Variants in AGO3 observed in about 807,000 individuals in gnomAD.
AGO3 encodes protein argonaute-3.
Under a neutral mutation model 105.5 loss-of-function variants are expected in AGO3, and 16 were observed. The observed-to-expected ratio is 0.15, with a 90% CI of 0.10 to 0.23. The LOEUF (loss-of-function observed/expected upper bound fraction) is 0.23, where lower values mean the gene tolerates loss of function less well. AGO3 is among the 10% of genes least tolerant of loss of function. The pLI is 1.00. For synonymous variants in AGO3, 340 were observed against 367.3 expected, an observed-to-expected ratio of 0.93 and a Z score of 0.85; for missense variants, 534 against 1,088.0, an observed-to-expected ratio of 0.49 and a Z score of 7.16.
chr1:35,949,144 T>C (rs1646423663), intron 2 of AGO3, among the ~76,000 whole-genome samples: 2 of 152,184 alleles, frequency 1.3e-5, no homozygotes, highest in East Asian at 1.9e-4. Context: ...GGTTTCTCCA[T>C]GTTGGTCAGT....
intron 17 of AGO3, 41 bp from the exon 18 acceptor site, chr1:36,054,905 A>G: frequency 6.3e-7 from 1 of 1,583,622 alleles, no homozygotes; most frequent in Non-Finnish European, 8.7e-7. Flanking sequence ...AAACAAAAAG[A>G]GTTCAAAATT....
chr1:35,939,575 C>T (rs1241001574), intron 1 of AGO3, among the ~76,000 whole-genome samples: 1 of 152,148 alleles, frequency 6.6e-6, no homozygotes, highest in Admixed American at 6.5e-5. Flanking sequence ...TCTCTACCTT[C>T]TGTTCAATTT....
intron 5 of AGO3, among the ~76,000 whole-genome samples, chr1:35,983,568 C>T (rs967552498): frequency 6.6e-6 from 1 of 151,916 alleles, no homozygotes; most frequent in Non-Finnish European, 1.5e-5. Flanking sequence ...CCAGCAGTGA[C>T]AAAGCAAGGC....
chr1:36,018,711 A>C (rs150663801), intron 11 of AGO3, among the ~76,000 whole-genome samples: 1 of 152,098 alleles, frequency 6.6e-6, no homozygotes, highest in Non-Finnish European at 1.5e-5. Flanking sequence ...GATTACAGGC[A>C]TGAGCCACCA....
chr1:35,977,976 T>C (rs1646982885), intron 5 of AGO3, among the ~76,000 whole-genome samples: 1 of 152,236 alleles, frequency 6.6e-6, no homozygotes, highest in Non-Finnish European at 1.5e-5. Flanking sequence ...GAATGCTGAT[T>C]GTTTAATTAA....
chr1:35,961,291 G>T (rs1030687838), intron 2 of AGO3, among the ~76,000 whole-genome samples: 2 of 151,958 alleles, frequency 1.3e-5, no homozygotes, highest in Non-Finnish European at 2.9e-5. Flanking sequence ...CTATAAGAGG[G>T]TATCGCGGAT....
intron 17 of AGO3, among the ~76,000 whole-genome samples, chr1:36,043,859 CT>C (rs1642350700): frequency 6.6e-6 from 1 of 151,218 alleles, no homozygotes; most frequent in African/African-American, 2.4e-5. Context: ...GCATATGCAT[CT>C]TTAAAAAAAA....
At chr1:36,038,501 C>T (rs1232316182) in intron 14 of AGO3, among the ~76,000 whole-genome samples, 1 of 152,020 alleles carries the variant, frequency 6.6e-6, no homozygotes, top group Non-Finnish European at 1.5e-5. Context: ...GTGATTCGCC[C>T]ACCTCGGCCT....
rs1447820987 is a variant in AGO3, at chr1:36,068,898, A to T, written c.*13153A>T. On this transcript the variant is annotated 3_prime_UTR_variant, in exon 19 of 19. Coordinates refer to ENST00000373191, the MANE Select transcript of AGO3 (RefSeq NM_024852.4). The stretch of plus-strand genomic sequence containing the variant: ...TCTTTAATGGAGGAACTTTTGAAAG[A>T]TCACAAATGGAAAAAGCCTATTGAG... 1 of 152,228 alleles carries T rather than the reference A, an allele frequency of 6.6e-6. No homozygotes were observed. The highest frequency in any genetic ancestry group is 2.4e-5 in the African/African-American group (1 of 41,454). 9.4% of individuals were successfully genotyped at this position (152,228 alleles called of 1,614,324 possible).
At chr1:36,029,046 A>T (rs530106533) in intron 12 of AGO3, among the ~76,000 whole-genome samples, 1 of 152,172 alleles carries the variant, frequency 6.6e-6, no homozygotes, top group African/African-American at 2.4e-5. Context: ...TGTATCAGTT[A>T]TACTTCCTTG....
At chr1:36,005,798 GC>G in intron 6 of AGO3, 1 of 985,338 alleles carries the variant, frequency 1.0e-6, no homozygotes, top group Non-Finnish European at 1.2e-6. Flanking sequence ...CTGCTCAGGG[GC>G]CCAAAGAAAT....
intron 5 of AGO3, among the ~76,000 whole-genome samples, chr1:35,988,343 A>G (rs1647308667): frequency 6.6e-6 from 1 of 152,208 alleles, no homozygotes; most frequent in African/African-American, 2.4e-5. Flanking sequence ...TCAAGTATAC[A>G]ATAATAATTA....
intron 2 of AGO3, among the ~76,000 whole-genome samples, chr1:35,962,768 A>G (rs1040130942): frequency 6.6e-6 from 1 of 152,152 alleles, no homozygotes; most frequent in African/African-American, 2.4e-5. Flanking sequence ...CTTGCTGTTT[A>G]TAAAGAAGAA....
chr1:35,973,578 T>C, intron 5 of AGO3, 67 bp downstream of exon 5: 2 of 1,330,248 alleles, frequency 1.5e-6, no homozygotes, highest in South Asian at 5.0e-5. Context: ...TACATAAATT[T>C]TATATATAAT....
In AGO3 at chr1:36,040,572, A is replaced by C. The variant is rs1642201389; in HGVS notation, c.2172+131A>C. ...AGTAGCAAATTTCAACAATTACATT[A>C]TGAGTATAGAAGCATCAAAATAGAT... is the stretch of plus-strand genomic sequence containing the variant. On this transcript the variant is annotated intron_variant, in intron 16 of 18. Transcript: ENST00000373191. 3 of 949,254 alleles carry C rather than the reference A, an allele frequency of 3.2e-6. No individual in the cohort carries two copies. The East Asian group carries it at 7.3e-5, about 23-fold the overall frequency. The allele number at this position is 949,254 out of a possible 1,614,324, so 58.8% of individuals were successfully genotyped here. A position where few individuals can be genotyped will look rare whatever the true frequency, so the allele number is the denominator to read the frequency against.
At chr1:35,995,727 G>T (rs1648271019) in intron 5 of AGO3, among the ~76,000 whole-genome samples, 1 of 152,134 alleles carries the variant, frequency 6.6e-6, no homozygotes, top group Admixed American at 6.5e-5. Context: ...ACCCGGACTG[G>T]AGTGCAGTGG....
intron 1 of AGO3, among the ~76,000 whole-genome samples, chr1:35,932,372 G>T (rs1435361907): frequency 6.6e-6 from 1 of 152,124 alleles, no homozygotes; most frequent in East Asian, 1.9e-4. Context: ...GGGCTGTCTT[G>T]TTACTAATGG....
intron 2 of AGO3, among the ~76,000 whole-genome samples, chr1:35,952,569 T>G (rs1337775248): frequency 2.0e-5 from 3 of 152,226 alleles, no homozygotes; most frequent in Non-Finnish European, 4.4e-5. Flanking sequence ...GCATAACTTT[T>G]CAGTGAATTA....
chr1:36,023,230 A>T (rs1569837695), intron 11 of AGO3, among the ~76,000 whole-genome samples: 1 of 152,230 alleles, frequency 6.6e-6, no homozygotes, highest in Admixed American at 6.5e-5. Context: ...GAGCTTCAGA[A>T]TCTGAGAGCT....
Sources: gnomAD v4.1 joint callset for allele counts (sites outside exome capture counted in the v4.1 genomes callset) on GRCh38, gnomAD v4.1.1 for gene constraint, MANE v1.5 for transcripts, NCBI Gene and HGNC (gene_info 2026-07-23, HGNC 2026-07-21) for gene names.